Variants in SPATA22 observed in about 807,000 individuals in gnomAD.
SPATA22 encodes spermatogenesis-associated protein 22.
In SPATA22, 29 loss-of-function variants were observed where a neutral mutation model predicts 47.8. That is an observed-to-expected ratio of 0.61 (90% CI 0.45 to 0.83). SPATA22 has a LOEUF of 0.83. Among genes scored for constraint, SPATA22 ranks in the 40% least tolerant of loss-of-function variants. SPATA22 has a pLI of 0.00. For synonymous variants in SPATA22, 133 were observed against 140.9 expected (o/e 0.94, Z 0.40); for missense variants, 410 against 421.7 (o/e 0.97, Z 0.24).
chr17:3,448,117 T>C (rs2072769506), intron 6 of SPATA22, among the ~76,000 whole-genome samples: 1 of 152,200 alleles, frequency 6.6e-6, no homozygotes, highest in Non-Finnish European at 1.5e-5. Flanking sequence ...GCACAGAGTG[T>C]ATGCTATGTT....
chr17:3,477,682 G>C (rs1048529904), intron 1 of SPATA22, among the ~76,000 whole-genome samples: 1 of 152,044 alleles, frequency 6.6e-6, no homozygotes, highest in Non-Finnish European at 1.5e-5. Context: ...TCAAACTCCT[G>C]GCCTCAGGTG....
In SPATA22 at chr17:3,485,662, G is replaced by A. The variant is rs2073705536; in HGVS notation, c.-73-16264C>T. ...TTGTGCTACCAGTGACCTACTCCAGGTTGTTTTCTGACCCTCTCCTTATCA... is the reference window on the plus strand; with the variant it reads ...TTGTGCTACCAGTGACCTACTCCAGATTGTTTTCTGACCCTCTCCTTATCA... On this transcript the variant is annotated intron_variant, in intron 1 of 8. Coordinates refer to the SPATA22 transcript ENST00000541913. The surrounding 1 kb of genome is among the most constrained non-coding windows in gnomAD (Gnocchi z 4.4). Among the ~76,000 whole-genome samples, 1 of 152,190 alleles carries A rather than the reference G, an allele frequency of 6.6e-6. No homozygotes were observed. The highest frequency in any genetic ancestry group is 2.4e-5 in the African/African-American group (1 of 41,450).
At chr17:3,500,014 T>C (rs1260827245) in intron 1 of SPATA22, 3 of 152,172 alleles carry the variant, frequency 2.0e-5, no homozygotes, top group East Asian at 3.8e-4. Flanking sequence ...AAAACAACCT[T>C]ATTGCTGATA....
At chr17:3,506,081 C>A (rs2074038385) in intron 1 of SPATA22, among the ~76,000 whole-genome samples, 1 of 152,142 alleles carries the variant, frequency 6.6e-6, no homozygotes, top group Admixed American at 6.5e-5. Context: ...CTCTATACTT[C>A]CCACACATAC....
At chr17:3,462,454 A>G in intron 5 of SPATA22, 29 bp downstream of exon 5, 1 of 1,460,714 alleles carries the variant, frequency 6.8e-7, no homozygotes, top group East Asian at 2.3e-5. Flanking sequence ...GAAGGAATAG[A>G]AGAAGAAAGA....
rs1297799374 is a variant in SPATA22 at position 3,443,674 on chromosome 17, G to A, written c.803-403C>T. Among the ~76,000 whole-genome samples the A allele has an allele frequency of 3.3e-5, 5 of 151,962 alleles. No individual in the cohort carries two copies. The East Asian group carries it at 9.6e-4, about 29-fold the overall frequency. On this transcript the variant is annotated intron_variant, in intron 7 of 8. Coordinates refer to ENST00000572969, the MANE Select transcript of SPATA22 (RefSeq NM_001170698.2). ...ACATTGAATTAGAATCAGGAGACATGCATTCAGGTCCCAGGTACTTCAACT... is the reference window on the plus strand; with the variant it reads ...ACATTGAATTAGAATCAGGAGACATACATTCAGGTCCCAGGTACTTCAACT...
chr17:3,454,282 T>TTTTA (rs576548450), intron 5 of SPATA22, among the ~76,000 whole-genome samples: 30 of 151,218 alleles, frequency 2.0e-4, no homozygotes, highest in South Asian at 1.2e-3. Flanking sequence ...TTGTTTTTTG[T>TTTTA]TTTATTTATT....
chr17:3,505,693 G>C (rs116902981), intron 1 of SPATA22, among the ~76,000 whole-genome samples: 4 of 151,934 alleles, frequency 2.6e-5, no homozygotes, highest in African/African-American at 2.4e-5. Flanking sequence ...TTGCATATCC[G>C]ACAAAAACAG....
intron 1 of SPATA22, among the ~76,000 whole-genome samples, chr17:3,505,408 TCTG>T (rs1187000917): frequency 2.0e-5 from 3 of 152,364 alleles, no homozygotes; most frequent in Admixed American, 6.5e-5. Flanking sequence ...TGAGAGTTGC[TCTG>T]CTGAGTGTGA....
At chr17:3,480,497 C>G (rs761718533) in intron 1 of SPATA22, among the ~76,000 whole-genome samples, 2 of 150,940 alleles carry the variant, frequency 1.3e-5, no homozygotes, top group Admixed American at 6.6e-5. Flanking sequence ...ACCAGATAAG[C>G]CAGTTTATCC....
chr17:3,441,233 G>C (rs961233448), intron 8 of SPATA22: 1 of 151,956 alleles, frequency 6.6e-6, no homozygotes, highest in African/African-American at 2.4e-5. Flanking sequence ...GTGGGAAAAA[G>C]CAAACCATGG....
chr17:3,488,348 G>GT lies in SPATA22; in HGVS notation c.-73-18951dup, dbSNP rs1189618382. Among the ~76,000 whole-genome samples, 1 of 152,138 alleles carries GT rather than the reference G, an allele frequency of 6.6e-6. No homozygotes were observed. Among genetic ancestry groups the GT allele is most frequent in the Non-Finnish European group, 1.5e-5 (1 of 68,022 alleles). ...TATGAGTTAGAAGAAATGAACACAA[G>GT]TTTTTTCCTGCATAAAATTAAAACC... On this transcript the variant is annotated intron_variant, in intron 1 of 8. Transcript: ENST00000541913. This position sits in a 1 kb window ranked among gnomAD's most constrained non-coding sequence, Gnocchi z 6.1.
chr17:3,446,679 A>C, intron 6 of SPATA22, 78 bp from the exon 7 acceptor site: 1 of 1,179,990 alleles, frequency 8.5e-7, no homozygotes. Flanking sequence ...CTACGTAAAA[A>C]TTCTAAGTCC....
At chr17:3,494,775 G>A (rs919887423) in intron 1 of SPATA22, among the ~76,000 whole-genome samples, 21 of 152,192 alleles carry the variant, frequency 1.4e-4, no homozygotes, top group African/African-American at 3.9e-4. Flanking sequence ...GATGGGAGAG[G>A]AGTGGTCAGA....
At chr17:3,492,818 A>C (rs1034897109) in intron 1 of SPATA22, among the ~76,000 whole-genome samples, 1 of 152,204 alleles carries the variant, frequency 6.6e-6, no homozygotes, top group Non-Finnish European at 1.5e-5. Flanking sequence ...GTGAGCTGTC[A>C]GCTTACCACA....
chr17:3,497,271 G>T (rs562780486), intron 1 of SPATA22, among the ~76,000 whole-genome samples: 50 of 152,222 alleles, frequency 3.3e-4, no homozygotes, highest in African/African-American at 1.1e-3. Context: ...TCTGGGGCAA[G>T]TCTCTGCCTG....
upstream of SPATA22, among the ~76,000 whole-genome samples, chr17:3,473,866 C>CTGGAAG (rs71153360): frequency 0.36 from 55,277 of 151,660 alleles, 12,789 homozygotes; most frequent in Non-Finnish European, 0.54. Flanking sequence ...ATTTGTAATG[C>CTGGAAG]TGGAAGTTAT....
At position 3,485,022 on chromosome 17, in the gene SPATA22, G is replaced by T. The variant is rs1459910948; in HGVS notation, c.-73-15624C>A. ...TGATCATCATTCACAGTAGGGTTTT[G>T]TTTTGTTTTTTTTCTGGAAAAGGGT... is the stretch of plus-strand genomic sequence containing the variant. On this transcript the variant is annotated intron_variant, in intron 1 of 8. Transcript: ENST00000541913. The surrounding 1 kb of genome is among the most constrained non-coding windows in gnomAD (Gnocchi z 4.4). Among the ~76,000 whole-genome samples, 3 of 150,424 alleles carry T rather than the reference G, an allele frequency of 2.0e-5. No individual in the cohort carries two copies. The highest frequency in any genetic ancestry group is 4.9e-5 in the African/African-American group (2 of 40,966).
At chr17:3,478,392 C>G (rs533414668) in intron 1 of SPATA22, among the ~76,000 whole-genome samples, 6 of 152,240 alleles carry the variant, frequency 3.9e-5, no homozygotes, top group African/African-American at 1.4e-4. Flanking sequence ...CTGCAGTCAT[C>G]CTGTTTGTAT....
Sources: gnomAD v4.1 joint callset for allele counts (sites outside exome capture counted in the v4.1 genomes callset) on GRCh38, gnomAD v4.1.1 for gene constraint, Gnocchi (gnomAD v3.1) non-coding constraint, MANE v1.5 for transcripts, NCBI Gene and HGNC (gene_info 2026-07-23, HGNC 2026-07-21) for gene names.